Variants in EIF4E observed in about 807,000 individuals in gnomAD.
EIF4E encodes eukaryotic translation initiation factor 4E.
For missense variants in EIF4E, 113 were observed against 265.6 expected (o/e 0.43, Z 3.99); for synonymous variants, 71 against 88.5 (o/e 0.80, Z 1.11).
chr4:98,899,707 C>T (rs574209786), intron 2 of EIF4E, among the ~76,000 whole-genome samples: 67 of 152,096 alleles, frequency 4.4e-4, no homozygotes, highest in Middle Eastern at 3.4e-3. Context: ...TGGTTTAAAA[C>T]AATGAGGTAA....
chr4:98,896,619 A>G (rs1035284862), intron 2 of EIF4E, among the ~76,000 whole-genome samples: 29 of 137,384 alleles, frequency 2.1e-4, no homozygotes, highest in African/African-American at 7.6e-4. Flanking sequence ...AGCTATTATC[A>G]TGCCACTGCT....
intron 2 of EIF4E, among the ~76,000 whole-genome samples, chr4:98,900,375 C>A (rs1724595212): frequency 6.6e-6 from 1 of 152,000 alleles, no homozygotes; most frequent in African/African-American, 2.4e-5. Context: ...TATACTGAAC[C>A]AAAGGGTCTC....
chr4:98,891,565 A>G (rs559507600), intron 2 of EIF4E: 239 of 530,122 alleles, frequency 4.5e-4, no homozygotes, highest in Non-Finnish European at 6.9e-4. Context: ...GCCCCCCTCC[A>G]AAAAAGACAA....
chr4:98,883,772 T>C (rs1723800677), intron 6 of EIF4E, among the ~76,000 whole-genome samples: 1 of 152,090 alleles, frequency 6.6e-6, no homozygotes, highest in Non-Finnish European at 1.5e-5. Flanking sequence ...TTTAGCATGG[T>C]GGCTCACGCC....
At chr4:98,913,484 A>AT (rs931699350) in intron 1 of EIF4E, among the ~76,000 whole-genome samples, 1 of 152,000 alleles carries the variant, frequency 6.6e-6, no homozygotes, top group African/African-American at 2.4e-5. Flanking sequence ...TGCCCAGCTA[A>AT]TTTTTAGAGA....
intron 2 of EIF4E, among the ~76,000 whole-genome samples, chr4:98,894,145 C>A (rs1249278630): frequency 6.6e-6 from 1 of 152,212 alleles, no homozygotes. Flanking sequence ...GATGCACTGT[C>A]ATCCAGGCTT....
intron 1 of EIF4E, among the ~76,000 whole-genome samples, chr4:98,912,977 C>G (rs1167301979): frequency 6.6e-6 from 1 of 152,146 alleles, no homozygotes; most frequent in East Asian, 1.9e-4. Flanking sequence ...GAGGCCGAGG[C>G]AGGCGGATCA....
Position 98,928,745 on chromosome 4 carries a change from G to C in EIF4E, c.18+350C>G, listed in dbSNP as rs1232795590. Reference sequence around the variant, plus strand: ...CGGATCCCAGTACTCGCTGGGAGCCGGCCCTGCGCCTTCCTATCATGAAGA... The same window carrying C: ...CGGATCCCAGTACTCGCTGGGAGCCCGCCCTGCGCCTTCCTATCATGAAGA... On this transcript the variant is annotated intron_variant, in intron 1 of 6. Coordinates refer to ENST00000450253, the MANE Select transcript of EIF4E (RefSeq NM_001968.5). 1.9e-5 allele frequency: 21 copies of C among 1,100,444 alleles called. No homozygotes were observed. In the East Asian group the frequency reaches 5.9e-4, roughly 31 times the overall value. 68.2% of individuals were successfully genotyped at this position (1,100,444 alleles called of 1,614,324 possible).
At chr4:98,902,287 G>A (rs1204883228) in intron 1 of EIF4E, among the ~76,000 whole-genome samples, 5 of 152,166 alleles carry the variant, frequency 3.3e-5, no homozygotes, top group Admixed American at 1.3e-4. Flanking sequence ...GGTCAGGCTG[G>A]TCTTGAACTC....
At chr4:98,914,343 C>A (rs1725278836) in intron 1 of EIF4E, among the ~76,000 whole-genome samples, 1 of 104,146 alleles carries the variant, frequency 9.6e-6, no homozygotes, top group Admixed American at 1.6e-4. Flanking sequence ...AGCCTGGCAA[C>A]AGAGCCAGAC....
At position 98,910,311 on chromosome 4, in the gene EIF4E, G is replaced by C. The variant is rs192874040; in HGVS notation, c.19-8329C>G. Among the ~76,000 whole-genome samples the C allele has an allele frequency of 3.0e-4, 45 of 151,834 alleles. 3 individuals carry two copies. ...TCAACATTAAAACACTGCTCACATG[G>C]AAAAAATTTTTTCATGTAAAAGTCC... On this transcript the variant is annotated intron_variant, in intron 1 of 6. Coordinates refer to ENST00000450253, the MANE Select transcript of EIF4E (RefSeq NM_001968.5).
chr4:98,927,525 G>A (rs1026469835), intron 1 of EIF4E, among the ~76,000 whole-genome samples: 1 of 151,708 alleles, frequency 6.6e-6, no homozygotes, highest in Non-Finnish European at 1.5e-5. Context: ...GCACGGTTGT[G>A]CGCACCTGTA....
At chr4:98,919,339 A>AG (rs996033930) in intron 1 of EIF4E, among the ~76,000 whole-genome samples, 7 of 146,958 alleles carry the variant, frequency 4.8e-5, no homozygotes, top group Admixed American at 2.0e-4. Flanking sequence ...TAGCAAAAAA[A>AG]AAAAAAACAA....
chr4:98,885,024 C>T lies in EIF4E; in HGVS notation c.437G>A (p.Ser146Asn). 6.2e-7 allele frequency: 1 copy of T among 1,613,498 alleles called. No homozygotes were observed. The highest frequency in any genetic ancestry group is 8.5e-7 in the Non-Finnish European group (1 of 1,179,692). ...CLIGESFDDYSDDVCGAVVNV... is the reference protein window; with the variant it reads ...CLIGESFDDYNDDVCGAVVNV... ...AACAACAGCGCCACATACATCATCA[C>T]TGTAGTCATCAAAAGATTCTCCAAT... The change falls in exon 6 of 7, where the codon AGT becomes AAT. Residue 146 changes from serine to asparagine, a missense_variant. By Grantham distance (46) the Ser-to-Asn change is conservative. Transcript: ENST00000450253.
At chr4:98,896,305 G>C (rs981375559) in intron 2 of EIF4E, among the ~76,000 whole-genome samples, 1 of 151,762 alleles carries the variant, frequency 6.6e-6, no homozygotes, top group Admixed American at 6.6e-5. Flanking sequence ...CAAAGAGTTC[G>C]AGGTTGCAGT....
At chr4:98,897,214 G>A (rs1724445685) in intron 2 of EIF4E, among the ~76,000 whole-genome samples, 1 of 151,866 alleles carries the variant, frequency 6.6e-6, no homozygotes, top group South Asian at 2.1e-4. Context: ...AAAACTATAC[G>A]AGTAGTCACT....
chr4:98,885,583 G>A (rs532811448), intron 5 of EIF4E, among the ~76,000 whole-genome samples: 1 of 152,108 alleles, frequency 6.6e-6, no homozygotes, highest in Admixed American at 6.6e-5. Flanking sequence ...GAGTAGGTGG[G>A]CATACATACA....
chr4:98,928,151 C>G (rs1721289085), intron 1 of EIF4E, among the ~76,000 whole-genome samples: 2 of 152,170 alleles, frequency 1.3e-5, no homozygotes, highest in African/African-American at 4.8e-5. Context: ...GATTGAGACC[C>G]ATTCGCATTC....
Position 98,879,876 on chromosome 4 carries a change from T to G in EIF4E, c.*1152A>C, listed in dbSNP as rs927365207. On this transcript the variant is annotated 3_prime_UTR_variant, in exon 7 of 7. Transcript: ENST00000450253. ...AGCCACATCAATTTAATTCCATATA[T>G]ATGATACTACCTATTCAATTTATTA... The G allele has an allele frequency of 6.6e-6, 1 of 152,196 alleles. No individual in the cohort carries two copies. The highest frequency in any genetic ancestry group is 2.1e-4 in the South Asian group (1 of 4,834). The allele number at this position is 152,196 out of a possible 1,614,324, so 9.4% of individuals were successfully genotyped here. A position where few individuals can be genotyped will look rare whatever the true frequency, so the allele number is the denominator to read the frequency against.
Sources: allele counts gnomAD v4.1 joint callset (sites outside exome capture counted in the v4.1 genomes callset), GRCh38; gene constraint gnomAD v4.1.1; transcripts MANE v1.5; gene names NCBI Gene and HGNC (gene_info 2026-07-23, HGNC 2026-07-21).